The following TPP1 variants were observed in gnomAD, a reference collection of about 807,000 sequenced individuals.
The protein encoded by TPP1 is tripeptidyl-peptidase 1.
A neutral mutation model predicts 67.6 loss-of-function variants in TPP1; 43 were observed. The ratio of observed to expected loss-of-function variants is 0.64; its 90% CI spans 0.50 to 0.82. The LOEUF is 0.82. Ranked by LOEUF, TPP1 falls within the 40% of genes least tolerant of loss-of-function variation. The probability of loss-of-function intolerance (pLI) is 0.00; values close to 1 mark genes in which losing one functional copy is unlikely to be tolerated. For missense variants in TPP1, 671 were observed against 710.9 expected, an observed-to-expected ratio of 0.94 and a Z score of 0.64; for synonymous variants, 272 against 281.5, an observed-to-expected ratio of 0.97 and a Z score of 0.34.
intron 3 of TPP1, 150 bp downstream of exon 3, chr11:6,618,626 C>G (rs925410529): frequency 2.8e-6 from 3 of 1,075,012 alleles, no homozygotes; most frequent in African/African-American, 1.6e-5. Flanking sequence ...GATCATAAAG[C>G]CTGTATACTG....
In TPP1 at chr11:6,615,383, G is replaced by A. The variant is rs955847708; in HGVS notation, c.1267-54C>T. The A allele has an allele frequency of 1.9e-6, 3 of 1,613,952 alleles. No homozygotes were observed. The African/African-American group carries it at 4.0e-5, about 22-fold the overall frequency. On this transcript the variant is annotated intron_variant, in intron 10 of 12. Transcript: ENST00000299427. The stretch of plus-strand genomic sequence containing the variant: ...CATGTGGCCTGCCCAGCAGTCAGCT[G>A]AACTGAGGATCCCCCATCCTCACTC...
Position 6,616,847 on chromosome 11 carries a change from A to G in TPP1, c.700T>C (p.Tyr234His), listed in dbSNP as rs1855593689. ...SQACAQFLEQ[Y>H]FHDSDLAQFM... ...TGAGCCAGGTCTGAGTCATGGAAATACTGCTCCAGGAACTATGGAGGGAGT... is the reference window on the plus strand; with the variant it reads ...TGAGCCAGGTCTGAGTCATGGAAATGCTGCTCCAGGAACTATGGAGGGAGT... The change falls in exon 7 of 13, where the codon TAT (tyrosine) becomes CAT (histidine). Residue 234 changes from tyrosine (Y) to histidine (H), a missense_variant. Physicochemically the swap from Tyr to His is moderately conservative, Grantham distance 83 (BLOSUM62 2). Coordinates refer to ENST00000299427, the MANE Select transcript of TPP1 (RefSeq NM_000391.4). 2 of 1,613,762 alleles carry G rather than the reference A, an allele frequency of 1.2e-6. No homozygotes were observed. Among genetic ancestry groups the G allele is most frequent in the South Asian group, 2.2e-5 (2 of 91,088 alleles).
rs1327030586 is a variant in TPP1 at position 6,613,158 on chromosome 11, A to G, written c.*1388T>C. ...TAGTCCATATCAGAACCAAGATTCA[A>G]ACAGGTTTTGTTTAGAAAATCTAGG... On this transcript the variant is annotated 3_prime_UTR_variant, in exon 13 of 13. Transcript: ENST00000299427. 6.6e-6 allele frequency: 1 copy of G among 152,262 alleles called. No individual in the cohort carries two copies. Among genetic ancestry groups the G allele is most frequent in the African/African-American group, 2.4e-5 (1 of 41,464 alleles). 9.4% of individuals were successfully genotyped at this position (152,262 alleles called of 1,614,324 possible). A position where few individuals can be genotyped will look rare whatever the true frequency, so the allele number is the denominator to read the frequency against.
rs1324731086 is a variant in TPP1, at chr11:6,619,209, C to T, written c.76G>A (p.Asp26Asn). ...SGKCSYSPEPDQRRTLPPGWV... is the reference protein window; with the variant it reads ...SGKCSYSPEPNQRRTLPPGWV... ...AAGTCAACTCACGTCCTCCGCTGGT[C>T]GGGCTCCGGGCTGTAACTGCATTTG... The change falls in exon 2 of 13, where the codon GAC becomes AAC. Residue 26 changes from aspartate to asparagine, a missense_variant. Asp to Asn is a conservative substitution (Grantham distance 23). Transcript: ENST00000299427. The T allele has an allele frequency of 5.6e-6, 9 of 1,614,106 alleles. No homozygotes were observed. In the South Asian group the frequency reaches 9.9e-5, roughly 18 times the overall value.
At position 6,614,846 on chromosome 11, in the gene TPP1, C is replaced by G; in HGVS notation, c.1551+20G>C. The G allele has an allele frequency of 1.9e-6, 3 of 1,614,108 alleles. No individual in the cohort carries two copies. Among genetic ancestry groups the G allele is most frequent in the Non-Finnish European group, 2.5e-6 (3 of 1,180,018 alleles). On this transcript the variant is annotated intron_variant, in intron 12 of 12. Coordinates refer to ENST00000299427, the MANE Select transcript of TPP1 (RefSeq NM_000391.4). ...CCATAGTTGTTTGAAAACGTCCACA[C>G]CCTTCCCTTCCATACTTACATCAAA...
rs1206307789 is a variant in TPP1 at position 6,617,313 on chromosome 11, G to C, written c.496C>G (p.His166Asp). The change falls in exon 5 of 13, where the codon CAT (histidine) becomes GAT (aspartate). Residue 166 changes from histidine to aspartate, a missense_variant. His to Asp is a moderately conservative substitution (Grantham distance 81). Transcript: ENST00000299427. ...PYQLPQALAPHVDFVGGLHRF... is the reference protein window; with the variant it reads ...PYQLPQALAPDVDFVGGLHRF... ...CCATAGGTGTTACCAAAGTCCACAT[G>C]GGGGGCCAAGGCCTGTGGAAGCTGG... 1 of 1,614,086 alleles carries C rather than the reference G, an allele frequency of 6.2e-7. No individual in the cohort carries two copies. Among genetic ancestry groups the C allele is most frequent in the Non-Finnish European group, 8.5e-7 (1 of 1,180,014 alleles).
rs755386210 is a variant in TPP1 at position 6,616,398 on chromosome 11, G to T, written c.992C>A (p.Ser331Tyr). The change falls in exon 8 of 13, where the codon TCC (serine) becomes TAC (tyrosine). Residue 331 changes from serine to tyrosine, a missense_variant. Coordinates refer to ENST00000299427, the MANE Select transcript of TPP1 (RefSeq NM_000391.4). ...HTVSYGDDEDSLSSAYIQRVN... is the reference protein window; with the variant it reads ...HTVSYGDDEDYLSSAYIQRVN... Reference sequence around the variant, plus strand: ...CCGCTGGATGTAGGCGCTGCTGAGGGAGTCCTCATCATCTCCATAGCTCAC... The same window carrying T: ...CCGCTGGATGTAGGCGCTGCTGAGGTAGTCCTCATCATCTCCATAGCTCAC... 3 of 1,613,998 alleles carry T rather than the reference G, an allele frequency of 1.9e-6. No homozygotes were observed. Among genetic ancestry groups the T allele is most frequent in the South Asian group, 1.1e-5 (1 of 91,082 alleles).
chr11:6,617,269 G>GCCCCAACCCCCATTCA (rs1184124595), intron 5 of TPP1, 32 bp downstream of exon 5: 1 of 1,613,856 alleles, frequency 6.2e-7, no homozygotes, highest in Admixed American at 1.7e-5. Flanking sequence ...GGATCTGTGT[G>GCCCCAACCCCCATTCA]CCCCAACCCC....
In TPP1 at chr11:6,615,230, A is replaced by C; in HGVS notation, c.1366T>G (p.Ser456Ala). Reference protein sequence around the residue: ...GRAYPDVAALSDGYWVVSNRV... With the variant: ...GRAYPDVAALADGYWVVSNRV... ...TTGCTGACCACCCAGTAGCCATCAG[A>C]AAGTGCAGCCACATCTGGGTAGGCA... Residue 456 changes from serine to alanine, a missense_variant, in exon 11 of 13, where the codon TCT (serine) becomes GCT (alanine). Ser to Ala is a moderately conservative substitution (Grantham distance 99, BLOSUM62 1). Transcript: ENST00000299427. 6.2e-7 allele frequency: 1 copy of C among 1,614,220 alleles called. No homozygotes were observed. The highest frequency in any genetic ancestry group is 8.5e-7 in the Non-Finnish European group (1 of 1,180,044).
Position 6,613,630 on chromosome 11 carries a change from T to C in TPP1, c.*916A>G, listed in dbSNP as rs1163113929. ...ATAAGTTCTAGATATACTTGGGAAA[T>C]ATAATTGGAAGGACTTGTGGACTGA... On this transcript the variant is annotated 3_prime_UTR_variant, in exon 13 of 13. Transcript: ENST00000299427. 6.6e-6 allele frequency: 1 copy of C among 152,540 alleles called. No homozygotes were observed. The highest frequency in any genetic ancestry group is 1.9e-4 in the East Asian group (1 of 5,202). The allele number at this position is 152,540 out of a possible 1,614,324, so 9.4% of individuals were successfully genotyped here.
At position 6,617,623 on chromosome 11, in the gene TPP1, C is replaced by T. The variant is rs781744173; in HGVS notation, c.380+3G>A. ...CCTCCATGGAGCAATCATTTCCTCTCACCGGATGCTCAGCCAGCAAGTCAG... is the reference window on the plus strand; with the variant it reads ...CCTCCATGGAGCAATCATTTCCTCTTACCGGATGCTCAGCCAGCAAGTCAG... On this transcript the variant is annotated splice_donor_region_variant and intron_variant, in intron 4 of 12. Coordinates refer to ENST00000299427, the MANE Select transcript of TPP1 (RefSeq NM_000391.4). 1.9e-5 allele frequency: 31 copies of T among 1,614,006 alleles called. No homozygotes were observed. Among genetic ancestry groups the T allele is most frequent in the Non-Finnish European group, 2.6e-5 (31 of 1,180,016 alleles).
intron 4 of TPP1, 45 bp downstream of exon 4, chr11:6,617,581 G>A (rs1369748077): frequency 6.2e-7 from 1 of 1,613,598 alleles, no homozygotes; most frequent in Non-Finnish European, 8.5e-7. Flanking sequence ...CCATCTCACT[G>A]ATGGGATGAC....
In TPP1 at chr11:6,616,508, A is replaced by AT. The variant is rs35039601; in HGVS notation, c.887-6dup. 467 of 1,491,658 alleles carry AT rather than the reference A, an allele frequency of 3.1e-4. No homozygotes were observed. Among genetic ancestry groups the AT allele is most frequent in the South Asian group, 1.3e-3 (109 of 81,800 alleles). 92.4% of individuals were successfully genotyped at this position (1,491,658 alleles called of 1,614,324 possible). On this transcript the variant is annotated splice_region_variant and splice_polypyrimidine_tract_variant and intron_variant, in intron 7 of 12. Transcript: ENST00000299427. ...GCTCCTGTCCCTCATGCCGGCCTGGATTTTTTTTTTTTTTTTTTTTGAGGG... is the reference window on the plus strand; with the variant it reads ...GCTCCTGTCCCTCATGCCGGCCTGGATTTTTTTTTTTTTTTTTTTTTGAGGG...
At position 6,614,884 on chromosome 11, in the gene TPP1, A is replaced by T; in HGVS notation, c.1533T>A (p.His511Gln). 1.2e-6 allele frequency: 2 copies of T among 1,614,114 alleles called. No homozygotes were observed. The highest frequency in any genetic ancestry group is 3.3e-5 in the Admixed American group (2 of 60,026). The change falls in exon 12 of 13, where the codon CAT becomes CAA. Residue 511 changes from histidine (H) to glutamine (Q), a missense_variant. Transcript: ENST00000299427. ...GFLNPRLYQQ[H>Q]GAGLFDVTRG... ...TACTTACATCAAAGAGTCCTGCCCC[A>T]TGCTGCTGGTAGAGCCTTGGGTTGA...
chr11:6,616,887 T>C (rs775832070), intron 6 of TPP1, 28 bp from the exon 7 acceptor site: 6 of 1,613,992 alleles, frequency 3.7e-6, no homozygotes, highest in Non-Finnish European at 5.1e-6. Flanking sequence ...GCAGAGATCG[T>C]GGGTCCGAGG....
Position 6,612,930 on chromosome 11 carries a change from A to G in TPP1, c.*1616T>C, listed in dbSNP as rs895952379. On this transcript the variant is annotated 3_prime_UTR_variant, in exon 13 of 13. Transcript: ENST00000299427. ...CATTTCAATACTACGTGGTCGTTAC[A>G]ATGCTAGAGGTAGGCACAGGGGGCG... 1.3e-5 allele frequency: 2 copies of G among 152,718 alleles called. No homozygotes were observed. The highest frequency in any genetic ancestry group is 4.8e-5 in the African/African-American group (2 of 41,450). 9.5% of individuals were successfully genotyped at this position (152,718 alleles called of 1,614,324 possible).
rs1855588370 is a variant in TPP1 at position 6,616,510 on chromosome 11, T to A, written c.887-7A>T. The A allele has an allele frequency of 6.9e-5, 2 of 28,836 alleles. No homozygotes were observed. The highest frequency in any genetic ancestry group is 8.6e-4 in the Admixed American group (1 of 1,166). The allele number at this position is 28,836 out of a possible 1,614,324, so 1.8% of individuals were successfully genotyped here. ...TCCTGTCCCTCATGCCGGCCTGGAT[T>A]TTTTTTTTTTTTTTTTTTGAGGGAT... On this transcript the variant is annotated splice_region_variant and splice_polypyrimidine_tract_variant and intron_variant, in intron 7 of 12. Coordinates refer to ENST00000299427, the MANE Select transcript of TPP1 (RefSeq NM_000391.4).
Position 6,617,433 on chromosome 11 carries a change from AG to A in TPP1, c.381-6del. On this transcript the variant is annotated splice_region_variant and splice_polypyrimidine_tract_variant and intron_variant, in intron 4 of 12. Coordinates refer to ENST00000299427, the MANE Select transcript of TPP1 (RefSeq NM_000391.4). Reference sequence around the variant, plus strand: ...GGGAGCAGCAGCTCTGCTTGTCTGGAGGTCAGAGAACAGAGGTCAGAAAGCT... The same window carrying A: ...GGGAGCAGCAGCTCTGCTTGTCTGGAGTCAGAGAACAGAGGTCAGAAAGCT... The A allele has an allele frequency of 1.2e-6, 2 of 1,613,438 alleles. No individual in the cohort carries two copies. Among genetic ancestry groups the A allele is most frequent in the Non-Finnish European group, 1.7e-6 (2 of 1,179,996 alleles).
intron 3 of TPP1, 157 bp downstream of exon 3, chr11:6,618,619 C>T (rs1488635090): frequency 9.8e-7 from 1 of 1,016,180 alleles, no homozygotes; most frequent in Non-Finnish European, 1.5e-6. Context: ...CGTATTTGAT[C>T]ATAAAGCCTG....
Sources: gnomAD v4.1 joint callset for allele counts on GRCh38, gnomAD v4.1.1 for gene constraint, MANE v1.5 for transcripts, NCBI Gene and HGNC (gene_info 2026-07-23, HGNC 2026-07-21) for gene names.